The following YME1L1 variants were observed in gnomAD, a reference collection of about 807,000 sequenced individuals.
The protein encoded by YME1L1 is ATP-dependent zinc metalloprotease YME1L1.
YME1L1 carries 39 observed loss-of-function variants against 90.4 expected under a neutral mutation model. That is an observed-to-expected ratio of 0.43 (90% CI 0.33 to 0.56). The LOEUF is 0.56. Among genes scored for constraint, YME1L1 ranks in the 20% least tolerant of loss-of-function variants. The pLI is 0.03. For synonymous variants in YME1L1, 284 were observed against 287.3 expected, an observed-to-expected ratio of 0.99 and a Z score of 0.12; for missense variants, 617 against 868.4, an observed-to-expected ratio of 0.71 and a Z score of 3.64.
At chr10:27,114,710 G>T (rs2056794023) in intron 17 of YME1L1, 103 bp from the exon 18 acceptor site, 6 of 753,520 alleles carry the variant, frequency 8.0e-6, no homozygotes, top group Non-Finnish European at 1.3e-5. Flanking sequence ...AATATATGGG[G>T]GACAAGAAAG....
At chr10:27,145,372 T>C in intron 3 of YME1L1, 56 bp downstream of exon 3, 1 of 1,391,218 alleles carries the variant, frequency 7.2e-7, no homozygotes. Context: ...AAATGGTATC[T>C]ATAATTATTA....
chr10:27,130,863 A>C (rs1490547111), intron 8 of YME1L1, among the ~76,000 whole-genome samples: 1 of 152,236 alleles, frequency 6.6e-6, no homozygotes, highest in Non-Finnish European at 1.5e-5. Flanking sequence ...CAAAAACAAA[A>C]ACAAAAATCT....
At position 27,148,949 on chromosome 10, in the gene YME1L1, T is replaced by C. The variant is rs1210962432; in HGVS notation, c.125A>G (p.Gln42Arg). Residue 42 changes from glutamine (Q) to arginine (R), a missense_variant, in exon 2 of 19, where the codon CAG becomes CGG. Gln to Arg is a conservative substitution (Grantham distance 43). Coordinates refer to ENST00000376016, the MANE Select transcript of YME1L1 (RefSeq NM_014263.4). The stretch of plus-strand genomic sequence containing the variant: ...ATGCTCAGGAACTACATCTCGATGC[T>C]GGTTTTGAGAAACTGACACTCCACT... ...SLSGVSVSQN[Q>R]HRDVVPEHEA... 9 of 1,614,148 alleles carry C rather than the reference T, an allele frequency of 5.6e-6. No individual in the cohort carries two copies. Among genetic ancestry groups the C allele is most frequent in the African/African-American group, 1.3e-5 (1 of 75,062 alleles).
intron 11 of YME1L1, among the ~76,000 whole-genome samples, chr10:27,121,748 A>ATTT (rs10585648): frequency 2.2e-5 from 3 of 138,608 alleles, no homozygotes; most frequent in African/African-American, 5.3e-5. Context: ...ACAAGCCACT[A>ATTT]TTTTTTTTTT....
In YME1L1 at chr10:27,111,657, A is replaced by C; in HGVS notation, c.*320T>G. ...AAGGCTAAAGGCACAATTTTTATCA[A>C]ATCTAGTAGAGTAACCAAACATAAA... On this transcript the variant is annotated 3_prime_UTR_variant, in exon 19 of 19. Coordinates refer to ENST00000376016, the MANE Select transcript of YME1L1 (RefSeq NM_014263.4). The C allele has an allele frequency of 2.6e-6, 1 of 388,038 alleles. No homozygotes were observed. The highest frequency in any genetic ancestry group is 4.9e-6 in the Non-Finnish European group (1 of 205,360). 24.0% of individuals were successfully genotyped at this position (388,038 alleles called of 1,614,324 possible). A position where few individuals can be genotyped will look rare whatever the true frequency, so the allele number is the denominator to read the frequency against.
intron 2 of YME1L1, 120 bp from the exon 3 acceptor site, chr10:27,145,710 T>C: frequency 5.8e-6 from 5 of 856,852 alleles, no homozygotes; most frequent in Non-Finnish European, 8.2e-6. Context: ...ATTTCCTTTT[T>C]TTAATATTTA....
At chr10:27,138,252 G>A (rs552768126) in intron 4 of YME1L1, among the ~76,000 whole-genome samples, 2 of 151,978 alleles carry the variant, frequency 1.3e-5, no homozygotes, top group South Asian at 2.1e-4. Context: ...CTAAATATCT[G>A]TATTTTCATG....
At chr10:27,125,380 C>G (rs2056906010) in intron 9 of YME1L1, among the ~76,000 whole-genome samples, 2 of 135,144 alleles carry the variant, frequency 1.5e-5, no homozygotes. Context: ...GTACTCTTTG[C>G]AACTGTAAAA....
At chr10:27,118,646 T>C (rs2056837104) in intron 14 of YME1L1, among the ~76,000 whole-genome samples, 1 of 152,190 alleles carries the variant, frequency 6.6e-6, no homozygotes, top group South Asian at 2.1e-4. Context: ...ACTTTAACAA[T>C]TTAACTGAAA....
At chr10:27,130,679 C>T (rs2056966529) in intron 8 of YME1L1, among the ~76,000 whole-genome samples, 1 of 152,172 alleles carries the variant, frequency 6.6e-6, no homozygotes, top group African/African-American at 2.4e-5. Flanking sequence ...TGGTAAAACC[C>T]TGTTTCTACT....
intron 4 of YME1L1, among the ~76,000 whole-genome samples, chr10:27,139,313 C>T (rs1326917340): frequency 6.6e-6 from 1 of 152,028 alleles, no homozygotes; most frequent in Non-Finnish European, 1.5e-5. Context: ...TTCACCTCAG[C>T]CTCCCAAGTA....
chr10:27,123,442 A>G, intron 10 of YME1L1, 105 bp downstream of exon 10: 1 of 1,354,198 alleles, frequency 7.4e-7, no homozygotes, highest in Non-Finnish European at 1.0e-6. Context: ...CCCAAAAAAT[A>G]GAAATTAAAA....
rs1028910350 is a variant in YME1L1 at position 27,111,490 on chromosome 10, T to A, written c.*487A>T. The A allele has an allele frequency of 1.0e-5, 2 of 197,582 alleles. No individual in the cohort carries two copies. The highest frequency in any genetic ancestry group is 2.1e-5 in the Non-Finnish European group (2 of 95,922). 12.2% of individuals were successfully genotyped at this position (197,582 alleles called of 1,614,324 possible). A position where few individuals can be genotyped will look rare whatever the true frequency, so the allele number is the denominator to read the frequency against. On this transcript the variant is annotated 3_prime_UTR_variant, in exon 19 of 19. Coordinates refer to ENST00000376016, the MANE Select transcript of YME1L1 (RefSeq NM_014263.4). ...ATTACAGATGTGAGCCATGGCACCATGCCAAAAGGCTATATTCCTGGCTCT... is the reference window on the plus strand; with the variant it reads ...ATTACAGATGTGAGCCATGGCACCAAGCCAAAAGGCTATATTCCTGGCTCT...
chr10:27,139,322 T>C (rs1003066964), intron 4 of YME1L1, among the ~76,000 whole-genome samples: 3 of 152,092 alleles, frequency 2.0e-5, no homozygotes, highest in African/African-American at 7.2e-5. Context: ...GCCTCCCAAG[T>C]ATCCAGAACT....
intron 7 of YME1L1, among the ~76,000 whole-genome samples, chr10:27,133,388 T>C (rs1489442751): frequency 1.3e-5 from 2 of 152,162 alleles, no homozygotes; most frequent in Admixed American, 6.6e-5. Context: ...CAATTTCTAA[T>C]TTCCTCAGAA....
chr10:27,128,900 C>A (rs2056948034), intron 8 of YME1L1, among the ~76,000 whole-genome samples: 1 of 151,492 alleles, frequency 6.6e-6, no homozygotes, highest in Non-Finnish European at 1.5e-5. Context: ...TAGAGCCAGA[C>A]CCTGTCTAGA....
Position 27,131,925 on chromosome 10 carries a change from T to C in YME1L1, c.792A>G (p.Thr264=), listed in dbSNP as rs369904741. 3.1e-6 allele frequency: 5 copies of C among 1,613,142 alleles called. No homozygotes were observed. In the African/African-American group the frequency reaches 5.3e-5, roughly 17 times the overall value. ...NPFLSVRFRT[T]TGLDSAVDPV... is the part of the protein sequence containing the mutation. Reference sequence around the variant, plus strand: ...GATCTACTGCAGAATCAAGCCCTGTTGTTGTCCGGAAGCGGACTAAAGGGA... The same window carrying C: ...GATCTACTGCAGAATCAAGCCCTGTCGTTGTCCGGAAGCGGACTAAAGGGA... Residue 264 remains threonine (T), a synonymous_variant, in exon 8 of 19, where the codon ACA becomes ACG. Transcript: ENST00000376016.
At chr10:27,148,511 C>A (rs1001716124) in intron 2 of YME1L1, among the ~76,000 whole-genome samples, 5 of 152,100 alleles carry the variant, frequency 3.3e-5, no homozygotes, top group Non-Finnish European at 7.3e-5. Context: ...TCTCTGCCAC[C>A]AGAGACAGAA....
chr10:27,147,587 A>C (rs1227274177), intron 2 of YME1L1: 15 of 1,587,468 alleles, frequency 9.4e-6, no homozygotes, highest in Non-Finnish European at 1.2e-5. Flanking sequence ...GGCTCCATGA[A>C]CATGGATCTG....
Sources: allele counts gnomAD v4.1 joint callset (sites outside exome capture counted in the v4.1 genomes callset), GRCh38; gene constraint gnomAD v4.1.1; transcripts MANE v1.5; gene names NCBI Gene and HGNC (gene_info 2026-07-23, HGNC 2026-07-21).